Variants in NCMAP observed in about 807,000 individuals in gnomAD.
NCMAP encodes noncompact myelin-associated protein.
Under a neutral mutation model 7.8 loss-of-function variants are expected in NCMAP, and 8 were observed. The ratio of observed to expected loss-of-function variants is 1.02; its 90% CI spans 0.60 to 1.84. The LOEUF (loss-of-function observed/expected upper bound fraction) is 1.84, where lower values mean the gene tolerates loss of function less well. Ranked by LOEUF, NCMAP falls within the 40% of genes most tolerant of loss-of-function variation. The pLI, the probability that NCMAP is intolerant of heterozygous loss-of-function variation, is 0.00. For missense variants in NCMAP, 112 were observed against 131.4 expected (o/e 0.85, Z 0.72); for synonymous variants, 41 against 52.9 (o/e 0.78, Z 0.98).
rs577079367 is a variant in NCMAP at position 24,580,279 on chromosome 1, A to G, written c.-7-15145A>G. Among the ~76,000 whole-genome samples, 5 of 152,290 alleles carry G rather than the reference A, an allele frequency of 3.3e-5. No homozygotes were observed. In the South Asian group the frequency reaches 8.3e-4, roughly 25 times the overall value. Reference sequence around the variant, plus strand: ...GTAATTAATTTTTCTTTAACTTGCCATGGCTACATGTGGCTATCATGTCAG... The same window carrying G: ...GTAATTAATTTTTCTTTAACTTGCCGTGGCTACATGTGGCTATCATGTCAG... On this transcript the variant is annotated intron_variant, in intron 1 of 3. Transcript: ENST00000374392.
At chr1:24,603,308 G>T (rs1013408581) in intron 3 of NCMAP, among the ~76,000 whole-genome samples, 17 of 151,728 alleles carry the variant, frequency 1.1e-4, no homozygotes, top group Non-Finnish European at 2.9e-5. Flanking sequence ...TAGTTCATCT[G>T]GTTTCAAAGA....
At chr1:24,577,916 G>A (rs766195110) in intron 1 of NCMAP, among the ~76,000 whole-genome samples, 3 of 152,168 alleles carry the variant, frequency 2.0e-5, no homozygotes, top group Non-Finnish European at 4.4e-5. Context: ...TTTGGTTCTT[G>A]CTGCTGCTGT....
intron 1 of NCMAP, among the ~76,000 whole-genome samples, chr1:24,560,158 C>G: frequency 1.3e-5 from 1 of 74,160 alleles, no homozygotes; most frequent in Non-Finnish European, 2.4e-5. Context: ...CAGACTCCAT[C>G]TCAAAAAAAA....
intron 1 of NCMAP, among the ~76,000 whole-genome samples, chr1:24,563,278 T>C (rs1023263159): frequency 6.6e-6 from 1 of 150,794 alleles, no homozygotes; most frequent in African/African-American, 2.5e-5. Context: ...TCCCAGCAAT[T>C]TGGGAGGCCG....
At chr1:24,594,432 C>A (rs952431687) in intron 1 of NCMAP, among the ~76,000 whole-genome samples, 1 of 152,176 alleles carries the variant, frequency 6.6e-6, no homozygotes, top group Non-Finnish European at 1.5e-5. Context: ...ATTCACTCAA[C>A]CACCTTGAGT....
chr1:24,597,689 AGAAAGAGAAAGAAG>A (rs1557602749), intron 2 of NCMAP, among the ~76,000 whole-genome samples: 17 of 107,682 alleles, frequency 1.6e-4, no homozygotes, highest in African/African-American at 4.2e-4. Flanking sequence ...AAAGAAAGAA[AGAAAGAGAAAGAAG>A]GAAAGATTGG....
Position 24,595,548 on chromosome 1 carries a change from T to C in NCMAP, c.82+36T>C, listed in dbSNP as rs185206422. 9.7e-5 allele frequency: 147 copies of C among 1,515,354 alleles called. No homozygotes were observed. In the African/African-American group the frequency reaches 1.6e-3, roughly 17 times the overall value. The allele number at this position is 1,515,354 out of a possible 1,614,324, so 93.9% of individuals were successfully genotyped here. A position where few individuals can be genotyped will look rare whatever the true frequency, so the allele number is the denominator to read the frequency against. The stretch of plus-strand genomic sequence containing the variant: ...ATTCGCTTAGAGGCTGGGGGAAGGA[T>C]GGCAGGACCAGTGTCATGGTCATAG... On this transcript the variant is annotated intron_variant, in intron 2 of 3. Transcript: ENST00000374392.
chr1:24,605,864 A>G lies in NCMAP; in HGVS notation c.*117A>G. 3 of 1,217,636 alleles carry G rather than the reference A, an allele frequency of 2.5e-6. No individual in the cohort carries two copies. Among genetic ancestry groups the G allele is most frequent in the Non-Finnish European group, 3.4e-6 (3 of 869,622 alleles). 75.4% of individuals were successfully genotyped at this position (1,217,636 alleles called of 1,614,324 possible). A position where few individuals can be genotyped will look rare whatever the true frequency, so the allele number is the denominator to read the frequency against. On this transcript the variant is annotated 3_prime_UTR_variant, in exon 4 of 4. Transcript: ENST00000374392. ...TTCTTCTGGTCAGGTCGACAGAGAC[A>G]TCTTTGACGCAATCTCTGATGCTTC... is the stretch of plus-strand genomic sequence containing the variant.
At chr1:24,557,939 G>A (rs1355095286) in intron 1 of NCMAP, among the ~76,000 whole-genome samples, 1 of 152,208 alleles carries the variant, frequency 6.6e-6, no homozygotes, top group Non-Finnish European at 1.5e-5. Flanking sequence ...CCCTGGGCCA[G>A]TTCCTGGGCT....
intron 1 of NCMAP, among the ~76,000 whole-genome samples, chr1:24,560,142 C>T (rs1177690525): frequency 8.4e-6 from 1 of 119,590 alleles, no homozygotes; most frequent in Non-Finnish European, 1.6e-5. Flanking sequence ...GCCTGGGCGA[C>T]AGAGCCAGAC....
intron 1 of NCMAP, among the ~76,000 whole-genome samples, chr1:24,577,905 G>A (rs1441137878): frequency 6.6e-6 from 1 of 152,116 alleles, no homozygotes; most frequent in Non-Finnish European, 1.5e-5. Flanking sequence ...TTTAGGGGTG[G>A]TTTGGTTCTT....
chr1:24,605,874 C>T lies in NCMAP; in HGVS notation c.*127C>T. ...CAGGTCGACAGAGACATCTTTGACGCAATCTCTGATGCTTCCAGCAATCCT... is the reference window on the plus strand; with the variant it reads ...CAGGTCGACAGAGACATCTTTGACGTAATCTCTGATGCTTCCAGCAATCCT... On this transcript the variant is annotated 3_prime_UTR_variant, in exon 4 of 4. Transcript: ENST00000374392. The T allele has an allele frequency of 1.8e-6, 2 of 1,127,498 alleles. No individual in the cohort carries two copies. Among genetic ancestry groups the T allele is most frequent in the Non-Finnish European group, 2.5e-6 (2 of 794,366 alleles). 69.8% of individuals were successfully genotyped at this position (1,127,498 alleles called of 1,614,324 possible).
intron 1 of NCMAP, among the ~76,000 whole-genome samples, chr1:24,562,688 GC>G (rs2148924849): frequency 6.6e-6 from 1 of 152,322 alleles, no homozygotes; most frequent in South Asian, 2.1e-4. Context: ...GATATTGGCA[GC>G]TACAGCCATG....
At chr1:24,558,341 G>A (rs1650964310) in intron 1 of NCMAP, among the ~76,000 whole-genome samples, 1 of 152,190 alleles carries the variant, frequency 6.6e-6, no homozygotes, top group Non-Finnish European at 1.5e-5. Flanking sequence ...GCTCACAGGA[G>A]GGGCTCAAGG....
chr1:24,593,006 C>T (rs952802978), intron 1 of NCMAP, among the ~76,000 whole-genome samples: 1 of 151,834 alleles, frequency 6.6e-6, no homozygotes, highest in Non-Finnish European at 1.5e-5. Flanking sequence ...CGTGGTGAAA[C>T]CCCATACTAC....
intron 1 of NCMAP, among the ~76,000 whole-genome samples, chr1:24,564,522 A>AC (rs1651157386): frequency 2.7e-5 from 4 of 148,288 alleles, no homozygotes; most frequent in Non-Finnish European, 6.0e-5. Context: ...TCAAAAAAAA[A>AC]AAAAAAAAAA....
intron 1 of NCMAP, among the ~76,000 whole-genome samples, chr1:24,593,457 C>T (rs540456742): frequency 6.6e-6 from 1 of 152,226 alleles, no homozygotes; most frequent in East Asian, 1.9e-4. Flanking sequence ...TACATCACTG[C>T]ACTCCAGCTG....
intron 1 of NCMAP, among the ~76,000 whole-genome samples, chr1:24,585,970 T>C (rs1401256894): frequency 6.6e-6 from 1 of 152,098 alleles, no homozygotes; most frequent in African/African-American, 2.4e-5. Flanking sequence ...GAACAAGGAA[T>C]TCAAGCTCCA....
In NCMAP at chr1:24,560,183, A is replaced by G. The variant is rs1369403059; in HGVS notation, c.-8+4014A>G. Reference sequence around the variant, plus strand: ...CTCAAAAAAAAAAAAAAAAAAAAAAAAATTTGTTTCCCTTTGCCTCTGAAG... The same window carrying G: ...CTCAAAAAAAAAAAAAAAAAAAAAAGAATTTGTTTCCCTTTGCCTCTGAAG... On this transcript the variant is annotated intron_variant, in intron 1 of 3. Coordinates refer to ENST00000374392, the MANE Select transcript of NCMAP (RefSeq NM_001010980.5). Among the ~76,000 whole-genome samples, 4 of 142,856 alleles carry G rather than the reference A, an allele frequency of 2.8e-5. No homozygotes were observed. The East Asian group carries it at 8.3e-4, about 29-fold the overall frequency. The allele number at this position is 142,856 out of a possible 152,430, so 93.7% of individuals were successfully genotyped here.
Sources: gnomAD v4.1 joint callset for allele counts (sites outside exome capture counted in the v4.1 genomes callset) on GRCh38, gnomAD v4.1.1 for gene constraint, MANE v1.5 for transcripts, NCBI Gene and HGNC (gene_info 2026-07-23, HGNC 2026-07-21) for gene names.